The following TENM3 variants were observed in gnomAD, a reference collection of about 807,000 sequenced individuals.
TENM3 encodes the protein teneurin-3.
In TENM3, 63 loss-of-function variants were observed where a neutral mutation model predicts 255.1. The observed-to-expected ratio is 0.25, with a 90% CI of 0.20 to 0.30. The LOEUF (loss-of-function observed/expected upper bound fraction) is 0.30. Among genes scored for constraint, TENM3 ranks in the 10% least tolerant of loss-of-function variants. The probability of loss-of-function intolerance (pLI) is 1.00; values close to 1 mark genes in which losing one functional copy is unlikely to be tolerated. For missense variants in TENM3, 2,929 were observed against 3,461.1 expected, an observed-to-expected ratio of 0.85 and a Z score of 3.86; for synonymous variants, 1,306 against 1,322.3, an observed-to-expected ratio of 0.99 and a Z score of 0.27.
intron 3 of TENM3, among the ~76,000 whole-genome samples, chr4:182,459,878 G>C (rs544114459): frequency 1.3e-5 from 2 of 152,036 alleles, no homozygotes; most frequent in Non-Finnish European, 2.9e-5. Flanking sequence ...AGAATGAATA[G>C]AATTAAATAT....
the TENM3 span, among the ~76,000 whole-genome samples, chr4:181,987,040 G>A: frequency 6.6e-6 from 1 of 152,050 alleles, no homozygotes; most frequent in African/African-American, 2.4e-5. Context: ...CTTGAAGTAA[G>A]TCTCAACAGA....
chr4:181,808,766 C>T, the TENM3 span, among the ~76,000 whole-genome samples: 4 of 152,040 alleles, frequency 2.6e-5, no homozygotes, highest in African/African-American at 9.7e-5. Flanking sequence ...CACTTTTTTT[C>T]CACAAACCAC....
At chr4:182,407,871 AG>A (rs1412618269) in intron 3 of TENM3, among the ~76,000 whole-genome samples, 3 of 152,246 alleles carry the variant, frequency 2.0e-5, no homozygotes, top group African/African-American at 7.2e-5. Flanking sequence ...TTTGTCAAAA[AG>A]TATATTAAGT....
intron 3 of TENM3, among the ~76,000 whole-genome samples, chr4:182,532,035 G>A (rs1739831643): frequency 6.6e-6 from 1 of 152,160 alleles, no homozygotes; most frequent in Non-Finnish European, 1.5e-5. Context: ...AAAGCCCAAG[G>A]AAAATACAAG....
At chr4:182,055,349 C>CAATAAATAAATA in the TENM3 span, among the ~76,000 whole-genome samples, 27,411 of 148,642 alleles carry the variant, frequency 0.18, 3,431 homozygotes, top group African/African-American at 0.34. Context: ...TGTCTCAAAA[C>CAATAAATAAATA]AATAAATAAA....
chr4:182,323,472 A>G (rs1763185768), intron 1 of TENM3, among the ~76,000 whole-genome samples: 1 of 152,092 alleles, frequency 6.6e-6, no homozygotes, highest in African/African-American at 2.4e-5. Context: ...CAGTGGCAAG[A>G]ATTTCCCAAT....
At chr4:182,186,802 T>TCC (rs1753191177) in intron 1 of TENM3, among the ~76,000 whole-genome samples, 1 of 85,796 alleles carries the variant, frequency 1.2e-5, no homozygotes, top group Admixed American at 1.4e-4. Context: ...TATATATATA[T>TCC]ATATATATAT....
At chr4:182,455,751 A>G (rs937507870) in intron 3 of TENM3, among the ~76,000 whole-genome samples, 4 of 151,722 alleles carry the variant, frequency 2.6e-5, no homozygotes, top group African/African-American at 9.7e-5. Flanking sequence ...TAGTAGAGAC[A>G]GGGTCTCACC....
chr4:182,239,065 G>A (rs1322703942), upstream of TENM3, among the ~76,000 whole-genome samples: 682 of 127,064 alleles, frequency 5.4e-3, 3 homozygotes, highest in African/African-American at 0.018. Flanking sequence ...GTGTGTGTGT[G>A]TGTGTGTGTA....
intron 16 of TENM3, 52 bp from the exon 17 acceptor site, chr4:182,736,751 TTTATC>T (rs1465173868): frequency 2.0e-6 from 3 of 1,466,288 alleles, no homozygotes; most frequent in Non-Finnish European, 2.8e-6. Flanking sequence ...ATAAATATAT[TTTATC>T]TAATCGTCAT....
the TENM3 span, among the ~76,000 whole-genome samples, chr4:181,644,988 A>C: frequency 6.6e-6 from 1 of 152,198 alleles, no homozygotes; most frequent in Admixed American, 6.5e-5. Context: ...GACCATGTAC[A>C]TGATGAAATA....
At chr4:182,679,516 A>T (rs1755942429) in intron 7 of TENM3, 150 bp from the exon 8 acceptor site, 1 of 639,430 alleles carries the variant, frequency 1.6e-6, no homozygotes. Flanking sequence ...AATGCTATGC[A>T]TGGGAGACTT....
rs1244748622 is a variant in TENM3 at position 182,587,418 on chromosome 4, GCTAAAAATACAAAAATTTTTGTA to G, written c.512-13489_512-13467del. ...TACTAAAAATACAAAAATTGGCTGG[GCTAAAAATACAAAAATTTTTGTA>G]CTAAAAATACAAAAATAGTTCCAGC... On this transcript the variant is annotated intron_variant, in intron 3 of 27. Transcript: ENST00000511685. Among the ~76,000 whole-genome samples the G allele has an allele frequency of 1.8e-4, 28 of 152,110 alleles. No homozygotes were observed. In the East Asian group the frequency reaches 1.9e-3, roughly 10 times the overall value.
At chr4:182,249,248 A>G (rs1413128369) in intron 1 of TENM3, among the ~76,000 whole-genome samples, 1 of 152,172 alleles carries the variant, frequency 6.6e-6, no homozygotes, top group Non-Finnish European at 1.5e-5. Flanking sequence ...AGGTTTTCCG[A>G]TTTCAGGGCC....
chr4:181,872,693 TC>T, the TENM3 span, among the ~76,000 whole-genome samples: 3 of 152,204 alleles, frequency 2.0e-5, no homozygotes, highest in African/African-American at 2.4e-5. Flanking sequence ...CAGATTTTTT[TC>T]TTGATCAGTC....
chr4:182,145,962 A>G (rs1339953407), intron 1 of TENM3, among the ~76,000 whole-genome samples: 1 of 152,226 alleles, frequency 6.6e-6, no homozygotes, highest in East Asian at 1.9e-4. Context: ...CATCTCTGGA[A>G]AGCTTGGAAG....
At chr4:182,759,015 A>G in intron 22 of TENM3, among the ~76,000 whole-genome samples, 1 of 152,218 alleles carries the variant, frequency 6.6e-6, no homozygotes, top group Non-Finnish European at 1.5e-5. Context: ...AGATGGAAGA[A>G]GATCTGGAAT....
chr4:181,821,646 T>A, the TENM3 span: 1 of 152,210 alleles, frequency 6.6e-6, no homozygotes, highest in Non-Finnish European at 1.5e-5. Context: ...TGAGGTAGCA[T>A]GTTAAGATTA....
chr4:181,994,554 G>GTTT, the TENM3 span, among the ~76,000 whole-genome samples: 196 of 128,334 alleles, frequency 1.5e-3, 1 homozygote, highest in Middle Eastern at 4.2e-3. Flanking sequence ...TTTTTTGTGG[G>GTTT]TTTTTTTTTT....
Sources: allele counts gnomAD v4.1 joint callset (sites outside exome capture counted in the v4.1 genomes callset), GRCh38; gene constraint gnomAD v4.1.1; transcripts MANE v1.5; gene names NCBI Gene and HGNC (gene_info 2026-07-23, HGNC 2026-07-21).